Variants in NRXN3 observed in about 807,000 individuals in gnomAD.
The protein encoded by NRXN3 is neurexin 3.
Under a neutral mutation model 137.6 loss-of-function variants are expected in NRXN3, and 32 were observed. That is an observed-to-expected ratio of 0.23 (90% CI 0.18 to 0.31). NRXN3 has a LOEUF of 0.31. Among genes scored for constraint, NRXN3 ranks in the 10% least tolerant of loss-of-function variants. The pLI is 1.00. For missense variants in NRXN3, 1,574 were observed against 2,062.5 expected, an observed-to-expected ratio of 0.76 and a Z score of 4.59; for synonymous variants, 798 against 784.5, an observed-to-expected ratio of 1.02 and a Z score of -0.29.
At chr14:78,444,943 A>G (rs2094374421) in intron 4 of NRXN3, among the ~76,000 whole-genome samples, 1 of 151,244 alleles carries the variant, frequency 6.6e-6, no homozygotes. Flanking sequence ...AAAAAAAAAA[A>G]AAAAAGGAGT....
chr14:78,926,830 T>A (rs796749739), intron 10 of NRXN3, among the ~76,000 whole-genome samples: 2 of 22,810 alleles, frequency 8.8e-5, no homozygotes, highest in African/African-American at 4.5e-4. Context: ...TTATATATAA[T>A]TTATATAAAT....
intron 1 of NRXN3, among the ~76,000 whole-genome samples, chr14:78,173,606 C>T (rs1033565760): frequency 7.2e-6 from 1 of 139,474 alleles, no homozygotes; most frequent in South Asian, 2.6e-4. Flanking sequence ...ACACACTGCT[C>T]CCCCCACCCT....
At chr14:79,481,261 A>T (rs1450520111) in intron 16 of NRXN3, among the ~76,000 whole-genome samples, 2 of 152,182 alleles carry the variant, frequency 1.3e-5, no homozygotes, top group Non-Finnish European at 2.9e-5. Flanking sequence ...ATCTCCTTCA[A>T]ACTTTTGTTT....
intron 10 of NRXN3, among the ~76,000 whole-genome samples, chr14:78,874,746 G>A (rs1257060787): frequency 6.6e-6 from 1 of 152,172 alleles, no homozygotes; most frequent in Non-Finnish European, 1.5e-5. Flanking sequence ...CAGGTGTCAT[G>A]TTCTGACACT....
At chr14:79,439,954 C>T (rs188932996) in intron 15 of NRXN3, among the ~76,000 whole-genome samples, 1 of 152,282 alleles carries the variant, frequency 6.6e-6, no homozygotes, top group East Asian at 1.9e-4. Context: ...TGATATATGC[C>T]ATTTTTATAA....
intron 14 of NRXN3, among the ~76,000 whole-genome samples, chr14:78,971,366 A>G (rs1335512703): frequency 3.9e-5 from 6 of 152,126 alleles, no homozygotes; most frequent in Non-Finnish European, 7.4e-5. Context: ...ACTAAGAACT[A>G]AGACCAGAAT....
At chr14:79,294,083 C>A (rs1303144053) in intron 15 of NRXN3, among the ~76,000 whole-genome samples, 1 of 152,120 alleles carries the variant, frequency 6.6e-6, no homozygotes, top group Admixed American at 6.5e-5. Flanking sequence ...GAAAAGTGTA[C>A]AATCTGTCCA....
At chr14:78,363,216 C>T (rs193259304) in intron 4 of NRXN3, among the ~76,000 whole-genome samples, 95 of 152,286 alleles carry the variant, frequency 6.2e-4, no homozygotes, top group African/African-American at 2.1e-3. Context: ...TCTTGCAGGG[C>T]GTGAGCATCC....
chr14:79,028,760 G>C (rs2099602566), intron 15 of NRXN3, among the ~76,000 whole-genome samples: 1 of 152,120 alleles, frequency 6.6e-6, no homozygotes, highest in African/African-American at 2.4e-5. Context: ...TCAGGGAAAT[G>C]AGAAGAGCAT....
chr14:78,980,948 A>G (rs1598180446), intron 14 of NRXN3, among the ~76,000 whole-genome samples: 1 of 152,312 alleles, frequency 6.6e-6, no homozygotes, highest in East Asian at 1.9e-4. Context: ...CCATTCCTAT[A>G]CAGGAACTTC....
intron 10 of NRXN3, among the ~76,000 whole-genome samples, chr14:78,889,955 C>T (rs1370088221): frequency 1.3e-5 from 2 of 151,958 alleles, no homozygotes; most frequent in Non-Finnish European, 2.9e-5. Flanking sequence ...GACGTAGAGA[C>T]TTGTGAAACA....
intron 10 of NRXN3, among the ~76,000 whole-genome samples, chr14:78,882,512 A>G (rs1341583305): frequency 2.0e-5 from 3 of 151,758 alleles, no homozygotes; most frequent in African/African-American, 7.3e-5. Flanking sequence ...CTAAGGAGAT[A>G]GTTTTGGAAC....
chr14:79,127,899 G>GT (rs1568368094), intron 15 of NRXN3, among the ~76,000 whole-genome samples: 1 of 150,942 alleles, frequency 6.6e-6, no homozygotes, highest in Non-Finnish European at 1.5e-5. Context: ...CACATCCCTT[G>GT]TAAGTTGGAT....
intron 10 of NRXN3, among the ~76,000 whole-genome samples, chr14:78,823,096 T>G (rs981695840): frequency 6.6e-6 from 1 of 152,206 alleles, no homozygotes; most frequent in Non-Finnish European, 1.5e-5. Flanking sequence ...TAGAGATGCA[T>G]AGAAGATGAA....
chr14:78,961,260 T>A (rs990942760), intron 11 of NRXN3, among the ~76,000 whole-genome samples: 1 of 152,124 alleles, frequency 6.6e-6, no homozygotes, highest in Non-Finnish European at 1.5e-5. Flanking sequence ...TTCCCATTAT[T>A]ATTCTTTTTT....
chr14:78,540,851 G>T (rs1306727493), intron 4 of NRXN3, among the ~76,000 whole-genome samples: 1 of 152,138 alleles, frequency 6.6e-6, no homozygotes, highest in Non-Finnish European at 1.5e-5. Context: ...TGTCTGTAAA[G>T]GATTTTATTT....
intron 16 of NRXN3, among the ~76,000 whole-genome samples, chr14:79,584,024 AGTC>A (rs1389989605): frequency 6.6e-6 from 1 of 152,230 alleles, no homozygotes; most frequent in Non-Finnish European, 1.5e-5. Flanking sequence ...AGTTCCATGA[AGTC>A]ATCATAGACT....
At chr14:78,463,543 C>T (rs2094994144) in intron 4 of NRXN3, among the ~76,000 whole-genome samples, 1 of 149,964 alleles carries the variant, frequency 6.7e-6, no homozygotes. Flanking sequence ...TCCTCCATAC[C>T]TTGTTGTTTT....
intron 15 of NRXN3, among the ~76,000 whole-genome samples, chr14:79,099,729 T>C (rs891269424): frequency 8.5e-5 from 13 of 152,226 alleles, no homozygotes; most frequent in African/African-American, 2.9e-4. Context: ...AGGTATTCTA[T>C]GATAAATTTG....
Sources: gnomAD v4.1 joint callset for allele counts (sites outside exome capture counted in the v4.1 genomes callset) on GRCh38, gnomAD v4.1.1 for gene constraint, MANE v1.5 for transcripts, NCBI Gene and HGNC (gene_info 2026-07-23, HGNC 2026-07-21) for gene names.